The following MGAT5 variants were observed in gnomAD, a reference collection of about 807,000 sequenced individuals.
The protein encoded by MGAT5 is alpha-1,6-mannosylglycoprotein 6-beta-N-acetylglucosaminyltransferase.
A neutral mutation model predicts 94.3 loss-of-function variants in MGAT5; 30 were observed. That is an observed-to-expected ratio of 0.32 (90% CI 0.24 to 0.43). The LOEUF (loss-of-function observed/expected upper bound fraction) is 0.43, where lower values mean the gene tolerates loss of function less well. MGAT5 is among the 20% of genes least tolerant of loss of function. The pLI, the probability that MGAT5 is intolerant of heterozygous loss-of-function variation, is 1.00. For missense variants in MGAT5, 691 were observed against 905.5 expected, an observed-to-expected ratio of 0.76 and a Z score of 3.04; for synonymous variants, 310 against 322.9, an observed-to-expected ratio of 0.96 and a Z score of 0.43.
At chr2:134,379,602 G>A (rs1240297300) in intron 10 of MGAT5, among the ~76,000 whole-genome samples, 1 of 152,230 alleles carries the variant, frequency 6.6e-6, no homozygotes, top group African/African-American at 2.4e-5. Flanking sequence ...CCTCTGATGG[G>A]ACAGAGGTTT....
intron 14 of MGAT5, 28 bp from the exon 15 acceptor site, chr2:134,441,730 G>C: frequency 6.3e-7 from 1 of 1,596,958 alleles, no homozygotes; most frequent in Non-Finnish European, 8.6e-7. Context: ...CCTTGGACCT[G>C]TGGCTGATGG....
intron 1 of MGAT5, among the ~76,000 whole-genome samples, chr2:134,238,591 G>A (rs1681786794): frequency 6.6e-6 from 1 of 152,168 alleles, no homozygotes; most frequent in African/African-American, 2.4e-5. Flanking sequence ...GAAAGATGTG[G>A]TGTCATTGTG....
At chr2:134,179,535 C>CTCTG (rs150381324) in intron 1 of MGAT5, among the ~76,000 whole-genome samples, 41,869 of 151,874 alleles carry the variant, frequency 0.28, 7,987 homozygotes, top group African/African-American at 0.53. Context: ...TAGAACAAGA[C>CTCTG]CATTCTGGGC....
chr2:134,136,346 C>T (rs1013713730), intron 1 of MGAT5, among the ~76,000 whole-genome samples: 1 of 152,116 alleles, frequency 6.6e-6, no homozygotes. Flanking sequence ...GTGGGCGGAC[C>T]ACTTGAGGCC....
At chr2:134,443,113 A>T (rs967099405) in intron 15 of MGAT5, among the ~76,000 whole-genome samples, 1 of 151,856 alleles carries the variant, frequency 6.6e-6, no homozygotes, top group African/African-American at 2.4e-5. Flanking sequence ...TCGTAGGGAG[A>T]GTGTGTGGCC....
chr2:134,300,201 A>G (rs1214931516), intron 2 of MGAT5, among the ~76,000 whole-genome samples: 1 of 152,156 alleles, frequency 6.6e-6, no homozygotes, highest in Non-Finnish European at 1.5e-5. Flanking sequence ...TACCTTTCAG[A>G]TTTCCCTCAT....
chr2:134,290,103 G>A (rs1413245938), intron 2 of MGAT5, among the ~76,000 whole-genome samples: 1 of 152,190 alleles, frequency 6.6e-6, no homozygotes, highest in Non-Finnish European at 1.5e-5. Flanking sequence ...TCCAGGTCAT[G>A]CAGATTCAAG....
At chr2:134,387,330 A>ATT (rs1273275881) in intron 10 of MGAT5, among the ~76,000 whole-genome samples, 875 of 39,248 alleles carry the variant, frequency 0.022, 10 homozygotes, top group Non-Finnish European at 0.025. Flanking sequence ...ATATATATAT[A>ATT]TATTTTTTTT....
In MGAT5 at chr2:134,237,760, T is replaced by G. The variant is rs569856277; in HGVS notation, c.-142-16502T>G. On this transcript the variant is annotated intron_variant, in intron 1 of 16. Transcript: ENST00000409645. ...GAGTGCAGTTTTTGTTTTTGTTTTT[T>G]TTTTTTTTGAGATGGAGTCTTGCTC... Among the ~76,000 whole-genome samples, 66 of 133,220 alleles carry G rather than the reference T, an allele frequency of 5.0e-4. 12 individuals are homozygous for G. The highest frequency in any genetic ancestry group is 6.3e-4 in the African/African-American group (22 of 35,166). The allele number at this position is 133,220 out of a possible 152,430, so 87.4% of individuals were successfully genotyped here.
At chr2:134,446,625 C>CCCT (rs1278243859) in intron 15 of MGAT5, among the ~76,000 whole-genome samples, 1 of 152,160 alleles carries the variant, frequency 6.6e-6, no homozygotes, top group African/African-American at 2.4e-5. Flanking sequence ...TGACTTCCTG[C>CCCT]CCTCTCCCTT....
At chr2:134,235,884 A>G (rs1259002416) in intron 1 of MGAT5, among the ~76,000 whole-genome samples, 1 of 152,172 alleles carries the variant, frequency 6.6e-6, no homozygotes, top group Non-Finnish European at 1.5e-5. Flanking sequence ...TCTGTTTTGC[A>G]TAATGACTTC....
chr2:134,132,683 A>G (rs769978121), intron 1 of MGAT5, among the ~76,000 whole-genome samples: 3 of 152,270 alleles, frequency 2.0e-5, no homozygotes, highest in Admixed American at 1.3e-4. Flanking sequence ...CTCTGGCCCG[A>G]GAAGAAAAAG....
At chr2:134,375,390 G>T (rs1427227139) in intron 10 of MGAT5, among the ~76,000 whole-genome samples, 2 of 152,144 alleles carry the variant, frequency 1.3e-5, no homozygotes, top group African/African-American at 2.4e-5. Context: ...ATGTTGGTGT[G>T]GTACTGATTT....
At chr2:134,120,337 A>G (rs1242090832) in intron 1 of MGAT5, 5 of 387,908 alleles carry the variant, frequency 1.3e-5, no homozygotes, top group Non-Finnish European at 2.3e-5. Context: ...GGAGCTCGTC[A>G]TCCCCGCGGG....
intron 1 of MGAT5, among the ~76,000 whole-genome samples, chr2:134,241,344 C>A (rs1398092947): frequency 6.6e-6 from 1 of 152,202 alleles, no homozygotes; most frequent in Non-Finnish European, 1.5e-5. Context: ...TCAAAGGAAG[C>A]AATGAGTTCT....
chr2:134,267,314 T>C (rs1683777505), intron 1 of MGAT5, among the ~76,000 whole-genome samples: 1 of 152,238 alleles, frequency 6.6e-6, no homozygotes, highest in Non-Finnish European at 1.5e-5. Flanking sequence ...CTCTCTGTGC[T>C]GTGATTTATT....
At chr2:134,151,036 G>T (rs1328735880) in intron 1 of MGAT5, among the ~76,000 whole-genome samples, 1 of 152,084 alleles carries the variant, frequency 6.6e-6, no homozygotes, top group East Asian at 1.9e-4. Flanking sequence ...CTTGCCTCTA[G>T]GCCTTCTCAG....
At chr2:134,189,604 T>TTTTTTTTTTTGTTTG (rs1689248095) in intron 1 of MGAT5, among the ~76,000 whole-genome samples, 4 of 105,812 alleles carry the variant, frequency 3.8e-5, no homozygotes, top group Non-Finnish European at 5.6e-5. Flanking sequence ...TTTTTTTTGT[T>TTTTTTTTTTTGTTTG]TTTTTTTTTT....
intron 1 of MGAT5, among the ~76,000 whole-genome samples, chr2:134,159,718 A>G (rs1019493497): frequency 2.0e-5 from 3 of 152,146 alleles, no homozygotes; most frequent in African/African-American, 4.8e-5. Flanking sequence ...GGCACAGCCT[A>G]TAGTCCCAGC....
Sources: gnomAD v4.1 joint callset for allele counts (sites outside exome capture counted in the v4.1 genomes callset) on GRCh38, gnomAD v4.1.1 for gene constraint, MANE v1.5 for transcripts, NCBI Gene and HGNC (gene_info 2026-07-23, HGNC 2026-07-21) for gene names.